Variants in SLC8B1 observed in about 807,000 individuals in gnomAD.
The protein encoded by SLC8B1 is mitochondrial sodium/calcium exchanger protein.
A neutral mutation model predicts 63.4 loss-of-function variants in SLC8B1; 52 were observed. That is an observed-to-expected ratio of 0.82 (90% CI 0.66 to 1.03). SLC8B1 has a LOEUF of 1.03. Among genes scored for constraint, SLC8B1 ranks in the 50% least tolerant of loss-of-function variants. The probability of loss-of-function intolerance (pLI) is 0.00; values close to 1 mark genes in which losing one functional copy is unlikely to be tolerated. For missense variants in SLC8B1, 657 were observed against 741.7 expected, an observed-to-expected ratio of 0.89 and a Z score of 1.33; for synonymous variants, 336 against 323.9, an observed-to-expected ratio of 1.04 and a Z score of -0.40.
chr12:113,304,341 G>A lies in SLC8B1; in HGVS notation c.1537C>T (p.Arg513Ter), dbSNP rs779271803. ...VGLGCLLQISRSHTEVKLEPD... is the reference protein window; with the variant it reads ...VGLGCLLQIS The stretch of plus-strand genomic sequence containing the variant: ...CTCACCTTCACTTCTGTGTGGCTTC[G>A]GGAGATCTGGAGCAGGCAGCCCAGC... Residue 513 changes from arginine (R) to a stop codon, truncating the protein, a stop_gained, in exon 15 of 16, where the codon CGA becomes TGA. Coordinates refer to ENST00000680972, the MANE Select transcript of SLC8B1 (RefSeq NM_001358345.2). LOFTEE classifies it high-confidence loss of function. The A allele has an allele frequency of 1.8e-5, 29 of 1,613,800 alleles. No individual in the cohort carries two copies. Among genetic ancestry groups the A allele is most frequent in the Non-Finnish European group, 1.9e-5 (22 of 1,179,914 alleles).
intron 15 of SLC8B1, among the ~76,000 whole-genome samples, chr12:113,301,593 C>G (rs1167498188): frequency 6.6e-6 from 1 of 152,146 alleles, no homozygotes; most frequent in Non-Finnish European, 1.5e-5. Flanking sequence ...CCCACCATGG[C>G]CTCCCAAAGT....
intron 2 of SLC8B1, 116 bp downstream of exon 2, chr12:113,332,607 C>T (rs1957070651): frequency 1.6e-6 from 2 of 1,255,226 alleles, no homozygotes; most frequent in South Asian, 1.6e-5. Flanking sequence ...CTCTATTGTT[C>T]CCCGGTATAT....
intron 15 of SLC8B1, among the ~76,000 whole-genome samples, chr12:113,300,707 C>G (rs888723094): frequency 6.6e-5 from 10 of 152,336 alleles, no homozygotes; most frequent in Middle Eastern, 3.4e-3. Context: ...CAGCCAGGTC[C>G]ACCTGCCTGG....
At chr12:113,300,078 A>AACAATGCAGCCTCAG (rs1956557999) in intron 15 of SLC8B1, 104 bp from the exon 16 acceptor site, 1 of 863,446 alleles carries the variant, frequency 1.2e-6, no homozygotes, top group Non-Finnish European at 1.7e-6. Context: ...TGCAGCCTCA[A>AACAATGCAGCCTCAG]CAACAATGCA....
intron 2 of SLC8B1, among the ~76,000 whole-genome samples, chr12:113,329,160 C>A (rs1399031589): frequency 6.6e-6 from 1 of 152,202 alleles, no homozygotes; most frequent in Non-Finnish European, 1.5e-5. Context: ...GGCATCATCT[C>A]ACCCATTCAG....
At chr12:113,303,386 G>A (rs913064347) in intron 15 of SLC8B1, among the ~76,000 whole-genome samples, 17 of 152,134 alleles carry the variant, frequency 1.1e-4, no homozygotes, top group East Asian at 3.9e-4. Context: ...AGGCTCTGCC[G>A]AGAGCCTATT....
intron 8 of SLC8B1, among the ~76,000 whole-genome samples, chr12:113,318,240 G>C (rs1197407285): frequency 6.6e-6 from 1 of 151,928 alleles, no homozygotes; most frequent in Non-Finnish European, 1.5e-5. Context: ...ACATTTGTGT[G>C]TGTGTTGTGT....
At chr12:113,316,453 G>A in intron 10 of SLC8B1, 73 bp downstream of exon 10, 1 of 1,558,040 alleles carries the variant, frequency 6.4e-7, no homozygotes, top group Non-Finnish European at 8.7e-7. Flanking sequence ...CCCTCGTAGA[G>A]CTGGAGAGGG....
At chr12:113,333,095 G>A in intron 1 of SLC8B1, 135 bp from the exon 2 acceptor site, 1 of 591,374 alleles carries the variant, frequency 1.7e-6, no homozygotes, top group Non-Finnish European at 2.9e-6. Flanking sequence ...GAGAAACCAT[G>A]TTCTGCACAG....
intron 2 of SLC8B1, among the ~76,000 whole-genome samples, chr12:113,328,778 G>A (rs894657905): frequency 6.8e-6 from 1 of 148,020 alleles, no homozygotes; most frequent in African/African-American, 2.5e-5. Flanking sequence ...TTGAGATGGA[G>A]TCTTACTCCA....
rs763124825 is a variant in SLC8B1 at position 113,315,286 on chromosome 12, C to T, written c.1135+49G>A. 2.3e-5 allele frequency: 34 copies of T among 1,457,296 alleles called. No homozygotes were observed. The Admixed American group carries it at 3.1e-4, about 13-fold the overall frequency. 90.3% of individuals were successfully genotyped at this position (1,457,296 alleles called of 1,614,324 possible). ...GCCTGGGTGGAAGAAAACTCCAGAA[C>T]GTGGGAAGGAGTAGGAAGGTGGGTT... On this transcript the variant is annotated intron_variant, in intron 11 of 15. Coordinates refer to ENST00000680972, the MANE Select transcript of SLC8B1 (RefSeq NM_001358345.2).
At chr12:113,304,588 CCAG>C (rs1338802875) in intron 14 of SLC8B1, among the ~76,000 whole-genome samples, 1 of 152,016 alleles carries the variant, frequency 6.6e-6, no homozygotes, top group Non-Finnish European at 1.5e-5. Context: ...GAGTTTGAGA[CCAG>C]CCTTGGCAAC....
chr12:113,299,552 A>C lies in SLC8B1; in HGVS notation c.*225T>G, dbSNP rs2136814215. On this transcript the variant is annotated 3_prime_UTR_variant, in exon 16 of 16. Coordinates refer to ENST00000680972, the MANE Select transcript of SLC8B1 (RefSeq NM_001358345.2). Reference sequence around the variant, plus strand: ...CTCTCTGGAACCCTTTGTCCAGAGCAAAGCCAGGTTTCCAAGGTCCCCACG... The same window carrying C: ...CTCTCTGGAACCCTTTGTCCAGAGCCAAGCCAGGTTTCCAAGGTCCCCACG... 2 of 555,122 alleles carry C rather than the reference A, an allele frequency of 3.6e-6. No homozygotes were observed. Among genetic ancestry groups the C allele is most frequent in the Non-Finnish European group, 6.5e-6 (2 of 308,960 alleles). 34.4% of individuals were successfully genotyped at this position (555,122 alleles called of 1,614,324 possible). A position where few individuals can be genotyped will look rare whatever the true frequency, so the allele number is the denominator to read the frequency against.
intron 2 of SLC8B1, among the ~76,000 whole-genome samples, chr12:113,328,897 G>A (rs987827283): frequency 7.9e-5 from 12 of 152,026 alleles, no homozygotes; most frequent in Admixed American, 1.3e-4. Flanking sequence ...GATTGCAGAC[G>A]TCCACCACCA....
chr12:113,332,081 C>T (rs1052834694), intron 2 of SLC8B1, among the ~76,000 whole-genome samples: 2 of 152,132 alleles, frequency 1.3e-5, no homozygotes, highest in African/African-American at 4.8e-5. Context: ...GAATGCTCTT[C>T]CCCGGGGTGT....
chr12:113,321,491 C>T lies in SLC8B1; in HGVS notation c.157-143G>A, dbSNP rs1037151713. ...CCTCTGGGTGCCAACTATGGATGCA[C>T]TTTTAATTTTAAAAATAAACGTCTG... On this transcript the variant is annotated intron_variant, in intron 2 of 15. Coordinates refer to ENST00000680972, the MANE Select transcript of SLC8B1 (RefSeq NM_001358345.2). The T allele has an allele frequency of 7.4e-6, 7 of 947,808 alleles. No homozygotes were observed. The East Asian group carries it at 9.9e-5, about 13-fold the overall frequency. The allele number at this position is 947,808 out of a possible 1,614,324, so 58.7% of individuals were successfully genotyped here. A position where few individuals can be genotyped will look rare whatever the true frequency, so the allele number is the denominator to read the frequency against.
At chr12:113,317,754 A>G (rs1288677312) in intron 8 of SLC8B1, among the ~76,000 whole-genome samples, 1 of 137,030 alleles carries the variant, frequency 7.3e-6, no homozygotes, top group East Asian at 2.0e-4. Context: ...GTATTTGTTT[A>G]TGTGTGTGTG....
In SLC8B1 at chr12:113,320,696, G is replaced by T. The variant is rs1330346629; in HGVS notation, c.421-10C>A. ...CCAGGAAGGTGACGCCATGTGGGGA[G>T]CATGTCAAGGCGGGCCAGGATCGCA... On this transcript the variant is annotated splice_polypyrimidine_tract_variant and intron_variant, in intron 5 of 15. Coordinates refer to ENST00000680972, the MANE Select transcript of SLC8B1 (RefSeq NM_001358345.2). The surrounding 1 kb of genome is among the most constrained non-coding windows in gnomAD (Gnocchi z 5.3). 15 of 1,611,720 alleles carry T rather than the reference G, an allele frequency of 9.3e-6. No individual in the cohort carries two copies. The highest frequency in any genetic ancestry group is 3.4e-5 in the Admixed American group (2 of 59,432).
intron 15 of SLC8B1, among the ~76,000 whole-genome samples, chr12:113,301,321 A>G (rs1018775288): frequency 5.4e-5 from 8 of 149,030 alleles, no homozygotes; most frequent in Non-Finnish European, 1.0e-4. Context: ...AATGGAAAAA[A>G]TCTTTATAAG....
Sources: gnomAD v4.1 joint callset for allele counts (sites outside exome capture counted in the v4.1 genomes callset) on GRCh38, gnomAD v4.1.1 for gene constraint, Gnocchi (gnomAD v3.1) non-coding constraint, MANE v1.5 for transcripts, NCBI Gene and HGNC (gene_info 2026-07-23, HGNC 2026-07-21) for gene names.